The following ATRNL1 variants were observed in gnomAD, a reference collection of about 807,000 sequenced individuals.
ATRNL1 encodes the protein attractin like 1, also known as attractin-like protein 1.
Under a neutral mutation model 182.7 loss-of-function variants are expected in ATRNL1, and 95 were observed. That is an observed-to-expected ratio of 0.52 (90% CI 0.44 to 0.62). The LOEUF (loss-of-function observed/expected upper bound fraction) is 0.62. Ranked by LOEUF, ATRNL1 falls within the 20% of genes least tolerant of loss-of-function variation. The probability of loss-of-function intolerance (pLI) is 0.00; values close to 1 mark genes in which losing one functional copy is unlikely to be tolerated. For synonymous variants in ATRNL1, 576 were observed against 568.3 expected (o/e 1.01, Z -0.19); for missense variants, 1,471 against 1,679.5 (o/e 0.88, Z 2.17).
intron 25 of ATRNL1, among the ~76,000 whole-genome samples, chr10:115,520,883 C>A (rs1050612982): frequency 1.3e-5 from 2 of 152,178 alleles, no homozygotes; most frequent in African/African-American, 2.4e-5. Context: ...CATCCATGCA[C>A]CTTAAAATAT....
At chr10:115,587,782 C>A (rs919228946) in intron 26 of ATRNL1, among the ~76,000 whole-genome samples, 15 of 152,158 alleles carry the variant, frequency 9.9e-5, no homozygotes, top group African/African-American at 3.4e-4. Context: ...TTGGCTTCTC[C>A]TCCCAACAAG....
chr10:115,150,910 C>G (rs1426528741), intron 5 of ATRNL1, among the ~76,000 whole-genome samples: 1 of 152,138 alleles, frequency 6.6e-6, no homozygotes, highest in African/African-American at 2.4e-5. Flanking sequence ...TGTGATGTTT[C>G]CCTTCCTGTG....
intron 24 of ATRNL1, among the ~76,000 whole-genome samples, chr10:115,497,460 C>T (rs566585931): frequency 1.3e-5 from 2 of 152,174 alleles, no homozygotes; most frequent in South Asian, 2.1e-4. Flanking sequence ...CACTTTTGGG[C>T]GGGCAATAGT....
intron 28 of ATRNL1, among the ~76,000 whole-genome samples, chr10:115,912,055 C>T (rs1952696220): frequency 2.0e-5 from 3 of 152,158 alleles, no homozygotes; most frequent in Admixed American, 2.0e-4. Context: ...CAGTTTCCCA[C>T]ACATTGGGAC....
At chr10:115,710,603 G>C (rs1433523900) in intron 26 of ATRNL1, among the ~76,000 whole-genome samples, 1 of 152,096 alleles carries the variant, frequency 6.6e-6, no homozygotes, top group African/African-American at 2.4e-5. Context: ...AGAATAGTAA[G>C]ATAAACAACC....
intron 1 of ATRNL1, among the ~76,000 whole-genome samples, chr10:115,101,363 C>T (rs1238038183): frequency 2.0e-5 from 3 of 151,764 alleles, no homozygotes; most frequent in Admixed American, 2.0e-4. Flanking sequence ...TGCCTTTTAT[C>T]ACACTGAGAA....
intron 27 of ATRNL1, among the ~76,000 whole-genome samples, chr10:115,807,998 A>G (rs563727296): frequency 6.6e-6 from 1 of 152,164 alleles, no homozygotes; most frequent in Non-Finnish European, 1.5e-5. Flanking sequence ...TTTTGTGTGT[A>G]TGTGAAGTGG....
At chr10:115,464,788 C>T (rs189321500) in intron 22 of ATRNL1, among the ~76,000 whole-genome samples, 1 of 151,866 alleles carries the variant, frequency 6.6e-6, no homozygotes, top group Admixed American at 6.6e-5. Flanking sequence ...ACGCTGATTT[C>T]ACCATCCTTT....
chr10:115,129,434 CT>C lies in ATRNL1; in HGVS notation c.730del (p.Cys244ValfsTer20). The stretch of plus-strand genomic sequence containing the variant: ...TGTGATAAATACTGGAAGGGTGAAG[CT>C]TGTGATATTCCTTACTGTAAAGCCA... ...CECDKYWKGE[A>X]CDIPYCKANC... On this transcript the variant is annotated frameshift_variant, in exon 5 of 29. Transcript: ENST00000355044. LOFTEE classifies it high-confidence loss of function. 1 of 1,614,006 alleles carries C rather than the reference CT, an allele frequency of 6.2e-7. No homozygotes were observed. Among genetic ancestry groups the C allele is most frequent in the Admixed American group, 1.7e-5 (1 of 60,018 alleles).
chr10:115,430,003 G>A (rs946223683), intron 21 of ATRNL1, among the ~76,000 whole-genome samples: 1 of 152,110 alleles, frequency 6.6e-6, no homozygotes, highest in Non-Finnish European at 1.5e-5. Context: ...CCCGGGAGGC[G>A]GAGCTTGCAG....
chr10:115,202,644 T>C (rs1848630549), intron 8 of ATRNL1, among the ~76,000 whole-genome samples: 1 of 147,846 alleles, frequency 6.8e-6, no homozygotes, highest in East Asian at 2.0e-4. Context: ...CAGTATTTTA[T>C]TGAGGATTTT....
At chr10:115,357,874 C>T (rs769913799) in intron 19 of ATRNL1, among the ~76,000 whole-genome samples, 26 of 151,658 alleles carry the variant, frequency 1.7e-4, no homozygotes, top group African/African-American at 3.6e-4. Flanking sequence ...AATTCATTGT[C>T]GTTATTATTT....
At position 115,582,142 on chromosome 10, in the gene ATRNL1, C is replaced by A. The variant is rs535662517; in HGVS notation, c.3795+32606C>A. ...GCCACATTTTCTTAATCCAGTCTAT[C>A]ATTGTTGGGCATTTGGGTTGGTTCC... is the stretch of plus-strand genomic sequence containing the variant. On this transcript the variant is annotated intron_variant, in intron 26 of 28. Coordinates refer to ENST00000355044, the MANE Select transcript of ATRNL1 (RefSeq NM_207303.4). Among the ~76,000 whole-genome samples the A allele has an allele frequency of 2.0e-5, 3 of 151,914 alleles. No homozygotes were observed. In the East Asian group the frequency reaches 5.8e-4, roughly 29 times the overall value.
chr10:115,580,843 A>AT (rs1405490341), intron 26 of ATRNL1, among the ~76,000 whole-genome samples: 4 of 151,466 alleles, frequency 2.6e-5, no homozygotes, highest in Non-Finnish European at 5.9e-5. Flanking sequence ...TCCTCTATTG[A>AT]TTTTTTCAAT....
At chr10:115,599,391 G>C (rs1441104441) in intron 26 of ATRNL1, among the ~76,000 whole-genome samples, 6 of 152,244 alleles carry the variant, frequency 3.9e-5, no homozygotes, top group African/African-American at 1.4e-4. Flanking sequence ...AGTCTCATAA[G>C]TGCATTTCCA....
chr10:115,559,021 C>T (rs1554998205), intron 26 of ATRNL1, among the ~76,000 whole-genome samples: 1 of 152,086 alleles, frequency 6.6e-6, no homozygotes, highest in East Asian at 1.9e-4. Flanking sequence ...GCATAGCAGC[C>T]TGATAATAAC....
chr10:115,808,757 C>G (rs1214161542), intron 27 of ATRNL1, among the ~76,000 whole-genome samples: 2 of 152,002 alleles, frequency 1.3e-5, no homozygotes, highest in Non-Finnish European at 2.9e-5. Context: ...TTTCCATTTC[C>G]CTCATGACTT....
At chr10:115,901,280 A>G (rs1413016523) in intron 28 of ATRNL1, among the ~76,000 whole-genome samples, 1 of 152,252 alleles carries the variant, frequency 6.6e-6, no homozygotes, top group Non-Finnish European at 1.5e-5. Flanking sequence ...AATTGATAAA[A>G]TATGTATATG....
At chr10:115,704,135 G>A (rs566729768) in intron 26 of ATRNL1, among the ~76,000 whole-genome samples, 81 of 152,042 alleles carry the variant, frequency 5.3e-4, no homozygotes, top group African/African-American at 1.7e-3. Flanking sequence ...ATTCTTTTAC[G>A]ATTCTGGAGG....
Sources: allele counts gnomAD v4.1 joint callset (sites outside exome capture counted in the v4.1 genomes callset), GRCh38; gene constraint gnomAD v4.1.1; transcripts MANE v1.5; gene names NCBI Gene and HGNC (gene_info 2026-07-23, HGNC 2026-07-21).